Variants in GBE1 observed in about 807,000 individuals in gnomAD.
The protein encoded by GBE1 is 1,4-alpha-glucan-branching enzyme.
A neutral mutation model predicts 88.8 loss-of-function variants in GBE1; 70 were observed. That is an observed-to-expected ratio of 0.79 (90% CI 0.65 to 0.96). The LOEUF is 0.96. Ranked by LOEUF, GBE1 falls within the 40% of genes least tolerant of loss-of-function variation. The pLI is 0.00. For missense variants in GBE1, 872 were observed against 871.0 expected (o/e 1.00, Z -0.01); for synonymous variants, 284 against 300.1 (o/e 0.95, Z 0.56).
intron 1 of GBE1, among the ~76,000 whole-genome samples, chr3:81,736,485 C>A (rs1297439394): frequency 2.6e-5 from 4 of 152,144 alleles, no homozygotes; most frequent in Non-Finnish European, 5.9e-5. Context: ...TTGTATGTTG[C>A]ATCCTCCTTA....
chr3:81,617,085 A>G (rs1372069537), intron 7 of GBE1, among the ~76,000 whole-genome samples: 1 of 104,492 alleles, frequency 9.6e-6, no homozygotes, highest in Non-Finnish European at 1.8e-5. Flanking sequence ...TGCTCATCTC[A>G]TTTATTAAAT....
chr3:81,750,589 G>GTGTATA (rs1553696587), intron 1 of GBE1, among the ~76,000 whole-genome samples: 1 of 30,820 alleles, frequency 3.2e-5, no homozygotes, highest in African/African-American at 2.0e-4. Flanking sequence ...ATATATATAC[G>GTGTATA]TATATATATA....
chr3:81,642,830 G>T lies in GBE1; in HGVS notation c.943C>A (p.Pro315Thr), dbSNP rs1704705125. ...GTDSCYFHSG[P>T]RGTHDLWDSR... ...TCCCAAAGATCATGAGTCCCTCTAG[G>T]TCCAGAATGAAAATAACAGGAATCT... Residue 315 changes from proline to threonine, a missense_variant, in exon 7 of 16, where the codon CCT becomes ACT. Transcript: ENST00000429644. The T allele has an allele frequency of 6.2e-7, 1 of 1,613,174 alleles. No homozygotes were observed. The highest frequency in any genetic ancestry group is 2.2e-5 in the East Asian group (1 of 44,848).
intron 10 of GBE1, 131 bp downstream of exon 10, chr3:81,585,961 C>T: frequency 1.8e-6 from 1 of 543,964 alleles, no homozygotes; most frequent in Non-Finnish European, 3.1e-6. Context: ...TAAGAATCGA[C>T]AGACTAATGA....
intron 1 of GBE1, among the ~76,000 whole-genome samples, chr3:81,761,109 G>A (rs1559712289): frequency 6.6e-6 from 1 of 152,222 alleles, no homozygotes; most frequent in East Asian, 1.9e-4. Flanking sequence ...ACCCTATGGC[G>A]CAAGACCGCT....
chr3:81,499,783 C>A (rs1432224602), intron 14 of GBE1, among the ~76,000 whole-genome samples: 2 of 152,118 alleles, frequency 1.3e-5, no homozygotes, highest in Non-Finnish European at 2.9e-5. Flanking sequence ...CTGTACTGAA[C>A]ATCTGATTTT....
intron 3 of GBE1, among the ~76,000 whole-genome samples, chr3:81,670,594 T>C (rs183516837): frequency 6.6e-6 from 1 of 152,314 alleles, no homozygotes; most frequent in Non-Finnish European, 1.5e-5. Flanking sequence ...TCATTTCTTA[T>C]ATAATGTTTC....
At chr3:81,723,178 C>A (rs1706059514) in intron 1 of GBE1, among the ~76,000 whole-genome samples, 2 of 151,432 alleles carry the variant, frequency 1.3e-5, no homozygotes. Flanking sequence ...CTTTCTGATA[C>A]TTCCTTATTC....
chr3:81,554,332 A>G (rs17019070), intron 12 of GBE1, among the ~76,000 whole-genome samples: 14,072 of 152,284 alleles, frequency 0.092, 749 homozygotes, highest in East Asian at 0.21. Flanking sequence ...CAACTGAAAG[A>G]TTCCACACCA....
chr3:81,574,825 G>A, intron 12 of GBE1, among the ~76,000 whole-genome samples: 1 of 152,072 alleles, frequency 6.6e-6, no homozygotes, highest in East Asian at 1.9e-4. Context: ...AAAATAAAAA[G>A]GAAATGGAAT....
intron 7 of GBE1, among the ~76,000 whole-genome samples, chr3:81,600,273 T>C (rs1704014428): frequency 6.6e-6 from 1 of 151,914 alleles, no homozygotes; most frequent in African/African-American, 2.4e-5. Flanking sequence ...AACAAATAAA[T>C]AAATAAATAA....
chr3:81,624,183 C>T (rs1159652906), intron 7 of GBE1, among the ~76,000 whole-genome samples: 1 of 152,102 alleles, frequency 6.6e-6, no homozygotes, highest in African/African-American at 2.4e-5. Context: ...AAGTCCCGAG[C>T]GAAGGAGGAC....
At chr3:81,721,739 G>T (rs754277904) in intron 1 of GBE1, among the ~76,000 whole-genome samples, 5 of 152,144 alleles carry the variant, frequency 3.3e-5, no homozygotes, top group Non-Finnish European at 7.4e-5. Flanking sequence ...TAGAACAAAT[G>T]TTTCTCTCAG....
At chr3:81,746,507 C>A (rs985580152) in intron 1 of GBE1, among the ~76,000 whole-genome samples, 1 of 152,112 alleles carries the variant, frequency 6.6e-6, no homozygotes, top group Non-Finnish European at 1.5e-5. Flanking sequence ...TCAGTCCAAC[C>A]ACCTCAGCCT....
intron 7 of GBE1, among the ~76,000 whole-genome samples, chr3:81,598,102 T>G (rs922514610): frequency 8.6e-5 from 13 of 152,026 alleles, no homozygotes; most frequent in Non-Finnish European, 1.6e-4. Flanking sequence ...CCTAATGTTC[T>G]ATTTATTTGT....
At chr3:81,691,577 C>A (rs1705522283) in intron 2 of GBE1, among the ~76,000 whole-genome samples, 2 of 152,018 alleles carry the variant, frequency 1.3e-5, no homozygotes, top group South Asian at 4.2e-4. Flanking sequence ...AGGAGTTCGA[C>A]ACCAGCCTAG....
intron 3 of GBE1, among the ~76,000 whole-genome samples, chr3:81,654,300 CA>C (rs1310204636): frequency 6.6e-6 from 1 of 151,744 alleles, no homozygotes; most frequent in African/African-American, 2.4e-5. Flanking sequence ...ATATAAAAAA[CA>C]GTAAATGTTG....
chr3:81,588,923 A>G (rs966119350), intron 9 of GBE1, among the ~76,000 whole-genome samples: 3 of 152,122 alleles, frequency 2.0e-5, no homozygotes, highest in Non-Finnish European at 4.4e-5. Context: ...ACAATCATAT[A>G]GTCTTGACTC....
At chr3:81,730,044 G>T (rs1706163854) in intron 1 of GBE1, among the ~76,000 whole-genome samples, 1 of 149,970 alleles carries the variant, frequency 6.7e-6, no homozygotes, top group East Asian at 2.0e-4. Context: ...GTTGCCTACA[G>T]TGTTTCCAAT....
Sources: gnomAD v4.1 joint callset for allele counts (sites outside exome capture counted in the v4.1 genomes callset) on GRCh38, gnomAD v4.1.1 for gene constraint, MANE v1.5 for transcripts, NCBI Gene and HGNC (gene_info 2026-07-23, HGNC 2026-07-21) for gene names.